EML4: variants seen among roughly 807,000 people sequenced by gnomAD.
EML4 encodes EMAP like 4.
In EML4, 72 loss-of-function variants were observed where a neutral mutation model predicts 129.0. The observed-to-expected ratio is 0.56, with a 90% CI of 0.46 to 0.68. EML4 has a LOEUF of 0.68. Ranked by LOEUF, EML4 falls within the 30% of genes least tolerant of loss-of-function variation. EML4 has a pLI of 0.00. For synonymous variants in EML4, 532 were observed against 405.0 expected (o/e 1.31, Z -3.77); for missense variants, 1,363 against 1,190.6 (o/e 1.14, Z -2.13).
At chr2:42,241,637 T>A (rs1675038651) in intron 1 of EML4, among the ~76,000 whole-genome samples, 1 of 152,224 alleles carries the variant, frequency 6.6e-6, no homozygotes, top group South Asian at 2.1e-4. Context: ...ACGGATTAAA[T>A]CACTCAGTAG....
At chr2:42,295,631 C>T (rs1337027325) in intron 13 of EML4, 115 bp downstream of exon 13, 6 of 746,774 alleles carry the variant, frequency 8.0e-6, no homozygotes, top group Admixed American at 3.3e-5. Flanking sequence ...AGCAAGTCAC[C>T]AACATACCTT....
At chr2:42,238,691 C>T (rs1674836029) in intron 1 of EML4, among the ~76,000 whole-genome samples, 1 of 151,950 alleles carries the variant, frequency 6.6e-6, no homozygotes, top group Non-Finnish European at 1.5e-5. Flanking sequence ...AGTTATAGCT[C>T]ACTGCAGCCT....
chr2:42,214,074 T>A (rs937218272), intron 1 of EML4, among the ~76,000 whole-genome samples: 1 of 152,202 alleles, frequency 6.6e-6, no homozygotes, highest in Non-Finnish European at 1.5e-5. Flanking sequence ...TCCTAACATG[T>A]CAATGAAAAC....
chr2:42,221,888 G>A (rs868166212), intron 1 of EML4, among the ~76,000 whole-genome samples: 3 of 152,000 alleles, frequency 2.0e-5, no homozygotes, highest in Non-Finnish European at 2.9e-5. Context: ...ACAGGCATGA[G>A]CCACCACTCC....
intron 6 of EML4, among the ~76,000 whole-genome samples, chr2:42,266,299 T>C (rs942568471): frequency 6.6e-6 from 1 of 152,220 alleles, no homozygotes; most frequent in Non-Finnish European, 1.5e-5. Flanking sequence ...TGAGATACTT[T>C]AAAGGGAAAA....
intron 1 of EML4, among the ~76,000 whole-genome samples, chr2:42,213,318 T>C (rs1204543220): frequency 1.3e-5 from 2 of 152,202 alleles, no homozygotes; most frequent in African/African-American, 4.8e-5. Context: ...AGGTTAGTTT[T>C]GGCTGTTTTT....
At chr2:42,260,472 G>C (rs773913032) in intron 3 of EML4, among the ~76,000 whole-genome samples, 54 of 152,158 alleles carry the variant, frequency 3.5e-4, no homozygotes, top group Non-Finnish European at 7.8e-4. Flanking sequence ...AGCCGCCTCT[G>C]TGATTTTTTA....
chr2:42,273,245 A>G (rs1666472451), intron 6 of EML4, among the ~76,000 whole-genome samples: 1 of 152,196 alleles, frequency 6.6e-6, no homozygotes, highest in African/African-American at 2.4e-5. Context: ...GCCTACAGAA[A>G]AGTTTTAAGC....
chr2:42,209,492 T>C (rs1364478083), intron 1 of EML4, among the ~76,000 whole-genome samples: 1 of 152,220 alleles, frequency 6.6e-6, no homozygotes, highest in Non-Finnish European at 1.5e-5. Context: ...TGGTGAAACT[T>C]TGATCGGACC....
At chr2:42,196,349 G>T (rs1332101203) in intron 1 of EML4, among the ~76,000 whole-genome samples, 1 of 152,168 alleles carries the variant, frequency 6.6e-6, no homozygotes, top group African/African-American at 2.4e-5. Context: ...CTTGCTTATG[G>T]TATATATTGA....
At chr2:42,258,977 T>C (rs1412542092) in intron 3 of EML4, among the ~76,000 whole-genome samples, 4 of 152,208 alleles carry the variant, frequency 2.6e-5, no homozygotes, top group Non-Finnish European at 5.9e-5. Context: ...CCGGATGCAG[T>C]GGCTCACGCC....
intron 13 of EML4, among the ~76,000 whole-genome samples, chr2:42,300,872 A>T (rs1190106359): frequency 6.6e-6 from 1 of 152,158 alleles, no homozygotes; most frequent in African/African-American, 2.4e-5. Context: ...TTGAGCTCTC[A>T]TATCAGAAGA....
chr2:42,272,723 T>G (rs1314001488), intron 6 of EML4, among the ~76,000 whole-genome samples: 8 of 152,230 alleles, frequency 5.3e-5, no homozygotes, highest in African/African-American at 1.9e-4. Context: ...TACACGTAAT[T>G]TGAATGAAAA....
At chr2:42,257,557 C>T (rs1370050853) in intron 3 of EML4, among the ~76,000 whole-genome samples, 2 of 152,108 alleles carry the variant, frequency 1.3e-5, no homozygotes, top group Non-Finnish European at 2.9e-5. Context: ...GTCTAGAGGC[C>T]GGGCACGGTG....
At chr2:42,188,019 A>G (rs1671361595) in intron 1 of EML4, among the ~76,000 whole-genome samples, 1 of 152,200 alleles carries the variant, frequency 6.6e-6, no homozygotes, top group African/African-American at 2.4e-5. Flanking sequence ...ATAGGGTACA[A>G]AGTCAAGTTT....
rs147723646 is a variant in EML4 at position 42,305,509 on chromosome 2, A to G, written c.1967+958A>G. 5.1e-4 allele frequency among the ~76,000 whole-genome samples: 78 copies of G among 152,342 alleles called. No individual in the cohort carries two copies. In the East Asian group the frequency reaches 0.013, roughly 25 times the overall value. Reference sequence around the variant, plus strand: ...TGAGCATTTATAAGTTGTTTGTGCTATACCTTTTGCCATCCTGTCTTTTTT... The same window carrying G: ...TGAGCATTTATAAGTTGTTTGTGCTGTACCTTTTGCCATCCTGTCTTTTTT... On this transcript the variant is annotated intron_variant, in intron 17 of 22. Coordinates refer to ENST00000318522, the MANE Select transcript of EML4 (RefSeq NM_019063.5).
At chr2:42,204,063 C>A (rs1441230995) in intron 1 of EML4, among the ~76,000 whole-genome samples, 1 of 151,998 alleles carries the variant, frequency 6.6e-6, no homozygotes, top group Non-Finnish European at 1.5e-5. Flanking sequence ...AGGACTACAG[C>A]CATATGCCAC....
At chr2:42,182,183 G>C (rs1053185959) in intron 1 of EML4, among the ~76,000 whole-genome samples, 11 of 104,616 alleles carry the variant, frequency 1.1e-4, no homozygotes, top group African/African-American at 1.9e-4. Context: ...TATACTTTAA[G>C]TTTTAGGGTA....
chr2:42,295,637 A>T (rs2103682407), intron 13 of EML4, 121 bp downstream of exon 13: 1 of 730,050 alleles, frequency 1.4e-6, no homozygotes, highest in Non-Finnish European at 2.1e-6. Flanking sequence ...TCACCAACAT[A>T]CCTTTTGTTT....
Sources: gnomAD v4.1 joint callset for allele counts (sites outside exome capture counted in the v4.1 genomes callset) on GRCh38, gnomAD v4.1.1 for gene constraint, MANE v1.5 for transcripts, NCBI Gene and HGNC (gene_info 2026-07-23, HGNC 2026-07-21) for gene names.